GRID1: variants seen among roughly 807,000 people sequenced by gnomAD.
The protein encoded by GRID1 is glutamate receptor ionotropic, delta-1.
GRID1 carries 28 observed loss-of-function variants against 98.0 expected under a neutral mutation model. The observed-to-expected ratio is 0.29, with a 90% CI of 0.21 to 0.39. The LOEUF (loss-of-function observed/expected upper bound fraction) is 0.39, where lower values mean the gene tolerates loss of function less well. GRID1 is among the 10% of genes least tolerant of loss of function. The probability of loss-of-function intolerance (pLI) is 1.00; values close to 1 mark genes in which losing one functional copy is unlikely to be tolerated. For synonymous variants in GRID1, 553 were observed against 538.5 expected, an observed-to-expected ratio of 1.03 and a Z score of -0.37; for missense variants, 1,111 against 1,340.5, an observed-to-expected ratio of 0.83 and a Z score of 2.67.
At chr10:85,892,587 C>G (rs955707138) in intron 5 of GRID1, among the ~76,000 whole-genome samples, 7 of 150,372 alleles carry the variant, frequency 4.7e-5, no homozygotes, top group African/African-American at 1.7e-4. Context: ...GATTTTTATA[C>G]ATGCAAAACT....
intron 2 of GRID1, among the ~76,000 whole-genome samples, chr10:86,353,461 G>C (rs189038319): frequency 1.3e-5 from 2 of 152,198 alleles, no homozygotes; most frequent in African/African-American, 4.8e-5. Context: ...CACCACACCA[G>C]AGCCCCCAGA....
intron 5 of GRID1, among the ~76,000 whole-genome samples, chr10:85,875,711 CT>C (rs1589283346): frequency 6.6e-6 from 1 of 152,074 alleles, no homozygotes; most frequent in East Asian, 1.9e-4. Context: ...AGTATTTTTA[CT>C]CTCTTCTTTA....
chr10:85,788,578 A>C (rs964101174), intron 8 of GRID1, among the ~76,000 whole-genome samples: 7 of 152,244 alleles, frequency 4.6e-5, no homozygotes, highest in Non-Finnish European at 1.0e-4. Flanking sequence ...ATTGTCCCAC[A>C]CATAAGTCAT....
intron 8 of GRID1, among the ~76,000 whole-genome samples, chr10:85,766,489 A>T (rs1388342812): frequency 6.6e-6 from 1 of 152,370 alleles, no homozygotes; most frequent in Non-Finnish European, 1.5e-5. Flanking sequence ...TGTCTAAAAA[A>T]AAATGACAAT....
At chr10:86,221,339 T>C (rs1046602799) in intron 2 of GRID1, among the ~76,000 whole-genome samples, 1 of 152,212 alleles carries the variant, frequency 6.6e-6, no homozygotes, top group Admixed American at 6.5e-5. Flanking sequence ...CTAGCCATAA[T>C]AGACAGATTG....
chr10:86,288,094 G>A lies in GRID1; in HGVS notation c.235+75847C>T, dbSNP rs144659853. Among the ~76,000 whole-genome samples, 779 of 152,192 alleles carry A rather than the reference G, an allele frequency of 5.1e-3. 7 individuals carry two copies. The highest frequency in any genetic ancestry group is 0.031 in the South Asian group (150 of 4,820). On this transcript the variant is annotated intron_variant, in intron 2 of 15. Transcript: ENST00000327946. Reference sequence around the variant, plus strand: ...GCAGCAGGAAGATGCCAGGCTGCCCGGCAGAAGCTGAGTCTATGGGCACAA... The same window carrying A: ...GCAGCAGGAAGATGCCAGGCTGCCCAGCAGAAGCTGAGTCTATGGGCACAA...
chr10:86,314,572 G>A (rs1453185349), intron 2 of GRID1, among the ~76,000 whole-genome samples: 1 of 152,216 alleles, frequency 6.6e-6, no homozygotes, highest in East Asian at 1.9e-4. Context: ...TTTCCTGCCA[G>A]GCCTGGGAAA....
At chr10:85,800,206 A>G (rs753628312) in intron 8 of GRID1, among the ~76,000 whole-genome samples, 45 of 152,006 alleles carry the variant, frequency 3.0e-4, no homozygotes, top group Non-Finnish European at 3.1e-4. Flanking sequence ...ATTTCTAAGG[A>G]ACTTCCTCAT....
chr10:86,070,585 C>T (rs1453493585), intron 4 of GRID1, among the ~76,000 whole-genome samples: 1 of 152,180 alleles, frequency 6.6e-6, no homozygotes, highest in Non-Finnish European at 1.5e-5. Context: ...TTTCTCTCCA[C>T]AGTGGACACT....
chr10:85,836,268 C>A (rs564197922), intron 8 of GRID1, among the ~76,000 whole-genome samples: 1 of 151,896 alleles, frequency 6.6e-6, no homozygotes, highest in Non-Finnish European at 1.5e-5. Context: ...GACAAGATGA[C>A]CAACTAGATG....
At chr10:85,892,522 C>T (rs187114467) in intron 5 of GRID1, among the ~76,000 whole-genome samples, 11 of 151,108 alleles carry the variant, frequency 7.3e-5, no homozygotes, top group African/African-American at 1.5e-4. Flanking sequence ...GCCTGAAGTC[C>T]GTGATACATC....
At position 86,167,304 on chromosome 10, in the gene GRID1, C is replaced by T. The variant is rs181750429; in HGVS notation, c.521-28280G>A. Among the ~76,000 whole-genome samples the T allele has an allele frequency of 3.3e-5, 5 of 152,352 alleles. No individual in the cohort carries two copies. The East Asian group carries it at 9.6e-4, about 29-fold the overall frequency. On this transcript the variant is annotated intron_variant, in intron 3 of 15. Coordinates refer to ENST00000327946, the MANE Select transcript of GRID1 (RefSeq NM_017551.3). ...GATGAGCATCAGGGAGAAGGGGCCACAGAGGAAGACTGAAGGCCTGAGTGC... is the reference window on the plus strand; with the variant it reads ...GATGAGCATCAGGGAGAAGGGGCCATAGAGGAAGACTGAAGGCCTGAGTGC...
At chr10:86,200,953 T>G (rs1362178246) in intron 3 of GRID1, among the ~76,000 whole-genome samples, 1 of 152,208 alleles carries the variant, frequency 6.6e-6, no homozygotes, top group Non-Finnish European at 1.5e-5. Context: ...TGGGGAAATC[T>G]CATATATTGC....
chr10:86,358,671 T>C (rs1848564379), intron 2 of GRID1, among the ~76,000 whole-genome samples: 1 of 151,488 alleles, frequency 6.6e-6, no homozygotes, highest in African/African-American at 2.4e-5. Context: ...GGCGGGAGAA[T>C]AGTGTGAATC....
At chr10:85,872,766 G>A (rs1420981051) in intron 5 of GRID1, among the ~76,000 whole-genome samples, 1 of 152,196 alleles carries the variant, frequency 6.6e-6, no homozygotes. Context: ...CTTCCTCACA[G>A]TGAGGGTCTG....
At chr10:86,243,984 T>C (rs1846679940) in intron 2 of GRID1, among the ~76,000 whole-genome samples, 1 of 152,246 alleles carries the variant, frequency 6.6e-6, no homozygotes, top group South Asian at 2.1e-4. Flanking sequence ...CGTGTGCTTG[T>C]GTGCACTGTG....
chr10:86,281,171 G>C (rs1285383186), intron 2 of GRID1, among the ~76,000 whole-genome samples: 2 of 152,226 alleles, frequency 1.3e-5, no homozygotes, highest in Admixed American at 1.3e-4. Flanking sequence ...ATTGGTAAGT[G>C]TTGGAAGAGG....
At chr10:86,115,869 G>T (rs1006464671) in intron 4 of GRID1, among the ~76,000 whole-genome samples, 1 of 152,204 alleles carries the variant, frequency 6.6e-6, no homozygotes, top group Non-Finnish European at 1.5e-5. Context: ...TAAGACAGTG[G>T]TCCCAGAAGA....
intron 12 of GRID1, among the ~76,000 whole-genome samples, chr10:85,703,368 A>G (rs1344088646): frequency 2.0e-5 from 3 of 152,080 alleles, no homozygotes; most frequent in Non-Finnish European, 4.4e-5. Flanking sequence ...GGAGCATAGA[A>G]TTCAGTCTTA....
Sources: allele counts gnomAD v4.1 joint callset (sites outside exome capture counted in the v4.1 genomes callset), GRCh38; gene constraint gnomAD v4.1.1; transcripts MANE v1.5; gene names NCBI Gene and HGNC (gene_info 2026-07-23, HGNC 2026-07-21).